PTPRK: variants seen among roughly 807,000 people sequenced by gnomAD.
PTPRK encodes the protein protein tyrosine phosphatase receptor type K, also known as receptor-type tyrosine-protein phosphatase kappa.
In PTPRK, 75 loss-of-function variants were observed where a neutral mutation model predicts 178.0. That is an observed-to-expected ratio of 0.42 (90% confidence interval 0.35 to 0.51). The LOEUF is 0.51. Ranked by LOEUF, PTPRK falls within the 20% of genes least tolerant of loss-of-function variation. The pLI is 0.02. For missense variants in PTPRK, 1,441 were observed against 1,797.8 expected (o/e 0.80, Z 3.59); for synonymous variants, 637 against 620.6 (o/e 1.03, Z -0.39).
intron 13 of PTPRK, among the ~76,000 whole-genome samples, chr6:128,016,594 T>C (rs554829030): frequency 6.6e-6 from 1 of 152,092 alleles, no homozygotes; most frequent in East Asian, 1.9e-4. Flanking sequence ...AAGCCATCAG[T>C]TGCTTTTCTT....
intron 7 of PTPRK, among the ~76,000 whole-genome samples, chr6:128,176,405 T>G: frequency 6.6e-6 from 1 of 151,696 alleles, no homozygotes; most frequent in Non-Finnish European, 1.5e-5. Context: ...GAAAGATGAG[T>G]TCTTTAAACT....
At chr6:128,309,272 A>G (rs1033584526) in intron 3 of PTPRK, among the ~76,000 whole-genome samples, 2 of 152,144 alleles carry the variant, frequency 1.3e-5, no homozygotes, top group Non-Finnish European at 2.9e-5. Context: ...CCCCTGGTGC[A>G]AGGACAAAAT....
At chr6:128,313,210 C>CTAAAA (rs1462975039) in intron 3 of PTPRK, among the ~76,000 whole-genome samples, 2 of 152,060 alleles carry the variant, frequency 1.3e-5, no homozygotes, top group African/African-American at 4.8e-5. Context: ...GCCCTTATCT[C>CTAAAA]TAAAATAAAA....
At chr6:128,376,603 T>C (rs976722271) in intron 2 of PTPRK, among the ~76,000 whole-genome samples, 2 of 152,252 alleles carry the variant, frequency 1.3e-5, no homozygotes, top group Admixed American at 6.5e-5. Flanking sequence ...CCTCATTACT[T>C]ATGCAAATTT....
At chr6:128,274,473 A>C (rs530522584) in intron 3 of PTPRK, among the ~76,000 whole-genome samples, 145 of 152,234 alleles carry the variant, frequency 9.5e-4, no homozygotes, top group African/African-American at 3.4e-3. Context: ...TATTGAGGGC[A>C]TTTTAAAATT....
intron 2 of PTPRK, among the ~76,000 whole-genome samples, chr6:128,384,952 ATTAAGT>A (rs1221069890): frequency 1.3e-5 from 2 of 151,422 alleles, no homozygotes; most frequent in African/African-American, 4.8e-5. Flanking sequence ...TATTATACAT[ATTAAGT>A]TTATTTTATT....
intron 1 of PTPRK, among the ~76,000 whole-genome samples, chr6:128,415,748 T>C (rs542495132): frequency 3.6e-4 from 55 of 152,278 alleles, no homozygotes; most frequent in African/African-American, 1.3e-3. Flanking sequence ...CTATAAAAGA[T>C]TCTTGATGTT....
At chr6:128,219,902 C>T (rs1385704443) in intron 5 of PTPRK, among the ~76,000 whole-genome samples, 1 of 152,196 alleles carries the variant, frequency 6.6e-6, no homozygotes, top group African/African-American at 2.4e-5. Context: ...AATTTAGAGT[C>T]AAACCAAAAT....
intron 1 of PTPRK, among the ~76,000 whole-genome samples, chr6:128,443,836 C>G (rs1350120485): frequency 6.6e-6 from 1 of 152,016 alleles, no homozygotes; most frequent in African/African-American, 2.4e-5. Context: ...GACAGAGACA[C>G]TCTCCTAGAC....
chr6:128,397,516 G>C (rs754769407), intron 2 of PTPRK, 50 bp downstream of exon 2: 45 of 1,593,032 alleles, frequency 2.8e-5, no homozygotes, highest in Non-Finnish European at 8.6e-7. Context: ...GAAAATCATA[G>C]ATACTGCAAA....
At chr6:128,102,447 C>T (rs1788951300) in intron 7 of PTPRK, among the ~76,000 whole-genome samples, 1 of 152,182 alleles carries the variant, frequency 6.6e-6, no homozygotes, top group Non-Finnish European at 1.5e-5. Flanking sequence ...CGTGTCCCCA[C>T]AGGAGTTACA....
chr6:128,323,194 G>T (rs117124308), intron 2 of PTPRK, among the ~76,000 whole-genome samples: 273 of 152,166 alleles, frequency 1.8e-3, no homozygotes, highest in Non-Finnish European at 2.7e-3. Flanking sequence ...TTCCATTGCA[G>T]ACAAAGGCCA....
chr6:128,424,209 G>T (rs899230126), intron 1 of PTPRK, among the ~76,000 whole-genome samples: 2 of 152,104 alleles, frequency 1.3e-5, no homozygotes, highest in Admixed American at 1.3e-4. Flanking sequence ...CTCCAGACTG[G>T]GTGATAGAGT....
At chr6:128,034,619 G>A (rs1319066832) in intron 13 of PTPRK, among the ~76,000 whole-genome samples, 5 of 152,048 alleles carry the variant, frequency 3.3e-5, no homozygotes, top group Non-Finnish European at 4.4e-5. Context: ...TTATTAAGTA[G>A]GCCATCAAAG....
chr6:128,276,047 C>A (rs773187557), intron 3 of PTPRK, among the ~76,000 whole-genome samples: 1 of 151,876 alleles, frequency 6.6e-6, no homozygotes, highest in African/African-American at 2.4e-5. Context: ...TAAGTATGCA[C>A]ATAAGGTAAC....
At chr6:128,416,737 T>C (rs1261711277) in intron 1 of PTPRK, among the ~76,000 whole-genome samples, 2 of 151,608 alleles carry the variant, frequency 1.3e-5, no homozygotes, top group Non-Finnish European at 2.9e-5. Context: ...TATTGCCTTG[T>C]AATGAGGTAC....
intron 18 of PTPRK, among the ~76,000 whole-genome samples, chr6:127,993,117 A>G (rs1378362006): frequency 2.0e-5 from 3 of 151,772 alleles, no homozygotes; most frequent in African/African-American, 7.2e-5. Flanking sequence ...AGGACATATT[A>G]GAACCATAAA....
chr6:128,238,175 TA>T (rs1431581998), intron 5 of PTPRK: 1 of 298,662 alleles, frequency 3.3e-6, no homozygotes, highest in African/African-American at 3.2e-5. Flanking sequence ...CACCATTCTG[TA>T]GCAAACGCCA....
intron 6 of PTPRK, among the ~76,000 whole-genome samples, chr6:128,190,583 T>G (rs1047831842): frequency 4.1e-5 from 6 of 147,520 alleles, no homozygotes; most frequent in African/African-American, 1.5e-4. Context: ...ACCACAACCT[T>G]GGCCTCCCAG....
Sources: gnomAD v4.1 joint callset for allele counts (sites outside exome capture counted in the v4.1 genomes callset) on GRCh38, gnomAD v4.1.1 for gene constraint, MANE v1.5 for transcripts, NCBI Gene and HGNC (gene_info 2026-07-23, HGNC 2026-07-21) for gene names.